Variants in CPE observed in about 807,000 individuals in gnomAD.
CPE encodes the protein carboxypeptidase E, also known as carbocypeptidase E.
In CPE, 17 loss-of-function variants were observed where a neutral mutation model predicts 53.5. That is an observed-to-expected ratio of 0.32 (90% CI 0.22 to 0.48). The LOEUF (loss-of-function observed/expected upper bound fraction) is 0.48, where lower values mean the gene tolerates loss of function less well. Ranked by LOEUF, CPE falls within the 20% of genes least tolerant of loss-of-function variation. The pLI is 0.99. For missense variants in CPE, 524 were observed against 614.7 expected, an observed-to-expected ratio of 0.85 and a Z score of 1.56; for synonymous variants, 226 against 228.8, an observed-to-expected ratio of 0.99 and a Z score of 0.11.
At chr4:165,478,393 G>A (rs571163899) in intron 3 of CPE, among the ~76,000 whole-genome samples, 12 of 152,248 alleles carry the variant, frequency 7.9e-5, no homozygotes, top group East Asian at 5.8e-4. Flanking sequence ...TGTAGAATTT[G>A]CTTGCTTTTG....
At chr4:165,380,926 C>G (rs1344771919) in intron 1 of CPE, among the ~76,000 whole-genome samples, 1 of 152,066 alleles carries the variant, frequency 6.6e-6, no homozygotes, top group Non-Finnish European at 1.5e-5. Context: ...TATCTGAAGA[C>G]AGGGAAAAAT....
chr4:165,418,692 T>A (rs9308107), intron 1 of CPE, among the ~76,000 whole-genome samples: 44,979 of 152,042 alleles, frequency 0.3, 6,740 homozygotes, highest in Middle Eastern at 0.39. Context: ...TTGATGTAAG[T>A]AAGAATTCTC....
chr4:165,447,642 G>A (rs1473077461), intron 1 of CPE, among the ~76,000 whole-genome samples: 1 of 151,726 alleles, frequency 6.6e-6, no homozygotes, highest in East Asian at 1.9e-4. Flanking sequence ...ATTAACCTTA[G>A]CTTACAGTAA....
intron 1 of CPE, among the ~76,000 whole-genome samples, chr4:165,392,766 A>G (rs1354980830): frequency 8.8e-5 from 13 of 148,410 alleles, no homozygotes; most frequent in African/African-American, 2.7e-4. Flanking sequence ...TCAAAGGACA[A>G]CACCCCAAAA....
At position 165,379,125 on chromosome 4, in the gene CPE, C is replaced by A; in HGVS notation, c.-97C>A. 1 of 1,087,012 alleles carries A rather than the reference C, an allele frequency of 9.2e-7. No homozygotes were observed. The highest frequency in any genetic ancestry group is 1.2e-6 in the Non-Finnish European group (1 of 866,880). 67.3% of individuals were successfully genotyped at this position (1,087,012 alleles called of 1,614,324 possible). A position where few individuals can be genotyped will look rare whatever the true frequency, so the allele number is the denominator to read the frequency against. ...CGAGTAGAGGCTGGTGCGGAACTTG[C>A]CGCCCCCAGCAGCGCCGGCGGGCTA... On this transcript the variant is annotated 5_prime_UTR_variant, in exon 1 of 9. Transcript: ENST00000402744. The surrounding 1 kb of genome is among the most constrained non-coding windows in gnomAD (Gnocchi z 6.0).
chr4:165,389,991 G>A (rs1347001739), intron 1 of CPE, among the ~76,000 whole-genome samples: 1 of 152,150 alleles, frequency 6.6e-6, no homozygotes, highest in Non-Finnish European at 1.5e-5. Context: ...AAAGTGGTGA[G>A]TGAGTGAACA....
At chr4:165,386,212 T>C in intron 1 of CPE, 1 of 515,818 alleles carries the variant, frequency 1.9e-6, no homozygotes, top group East Asian at 5.6e-5. Flanking sequence ...TATTATTACC[T>C]CATTATGGTA....
chr4:165,414,177 A>G (rs1054684250), intron 1 of CPE, among the ~76,000 whole-genome samples: 2 of 152,192 alleles, frequency 1.3e-5, no homozygotes, highest in South Asian at 4.1e-4. Context: ...TGTTTCATAA[A>G]TTATTTAAAT....
intron 6 of CPE, among the ~76,000 whole-genome samples, chr4:165,489,992 T>C (rs1169970468): frequency 6.6e-6 from 1 of 152,298 alleles, no homozygotes; most frequent in Admixed American, 6.5e-5. Context: ...GCTTGCATCA[T>C]AGAACACTCC....
intron 1 of CPE, chr4:165,406,329 A>G (rs145457250): frequency 7.3e-6 from 4 of 550,062 alleles, no homozygotes; most frequent in African/African-American, 1.9e-5. Context: ...GAGGCTGCCA[A>G]TCGCCCGGTA....
chr4:165,452,650 G>A (rs1731832177), intron 1 of CPE, among the ~76,000 whole-genome samples: 1 of 152,042 alleles, frequency 6.6e-6, no homozygotes, highest in Non-Finnish European at 1.5e-5. Flanking sequence ...TTTCAAAAAA[G>A]GCCATAACCC....
Position 165,461,166 on chromosome 4 carries a change from C to CAAAAAAAAAAAAAAAAAAAAAAAAAAA in CPE, c.308-3203_308-3202insAAAAAAAAAAAAAAAAAAAAAAAAAAA, listed in dbSNP as rs1173022270. 5.0e-4 allele frequency among the ~76,000 whole-genome samples: 22 copies of CAAAAAAAAAAAAAAAAAAAAAAAAAAA among 44,202 alleles called. 1 individual carries two copies. The highest frequency in any genetic ancestry group is 1.1e-3 in the South Asian group (1 of 872). 29.0% of individuals were successfully genotyped at this position (44,202 alleles called of 152,430 possible). On this transcript the variant is annotated intron_variant, in intron 1 of 8. Coordinates refer to ENST00000402744, the MANE Select transcript of CPE (RefSeq NM_001873.4). ...TGGGTGACAGAGTGAGCCTCTGCCT[C>CAAAAAAAAAAAAAAAAAAAAAAAAAAA]AAAAAAAAAAAAAAAAAAAAAGAAA... is the stretch of plus-strand genomic sequence containing the variant.
At chr4:165,457,295 T>C (rs762532687) in intron 1 of CPE, among the ~76,000 whole-genome samples, 2 of 152,174 alleles carry the variant, frequency 1.3e-5, no homozygotes, top group Non-Finnish European at 2.9e-5. Context: ...ACCATGGAAA[T>C]AGTCAATGCT....
chr4:165,490,792 T>G (rs754294363), intron 6 of CPE, among the ~76,000 whole-genome samples: 14 of 152,164 alleles, frequency 9.2e-5, no homozygotes, highest in South Asian at 2.1e-4. Context: ...TGCGTGACAC[T>G]AAGTACATGA....
intron 1 of CPE, among the ~76,000 whole-genome samples, chr4:165,414,138 G>C (rs1731085259): frequency 1.3e-5 from 2 of 152,026 alleles, no homozygotes; most frequent in Admixed American, 1.3e-4. Flanking sequence ...AACTTTTAAG[G>C]CTATGTAATT....
chr4:165,479,672 G>T (rs970643696), intron 3 of CPE, among the ~76,000 whole-genome samples: 8 of 152,188 alleles, frequency 5.3e-5, no homozygotes, highest in Admixed American at 2.6e-4. Flanking sequence ...TTTATAGTGT[G>T]TAGGTCAGAG....
chr4:165,406,298 C>T, intron 1 of CPE: 1 of 582,166 alleles, frequency 1.7e-6, no homozygotes, highest in Non-Finnish European at 3.3e-6. Flanking sequence ...AGCGGAGGAT[C>T]CTGAAGGCAG....
chr4:165,470,308 G>A (rs1443165613), intron 3 of CPE, among the ~76,000 whole-genome samples: 1 of 152,120 alleles, frequency 6.6e-6, no homozygotes, highest in African/African-American at 2.4e-5. Flanking sequence ...CTTTTCCCCT[G>A]ATTCTTCCCT....
intron 1 of CPE, among the ~76,000 whole-genome samples, chr4:165,439,130 A>G (rs2126683919): frequency 6.6e-6 from 1 of 152,348 alleles, no homozygotes; most frequent in East Asian, 1.9e-4. Context: ...TGCCTTGTTC[A>G]TTGAAGATGC....
Sources: gnomAD v4.1 joint callset for allele counts (sites outside exome capture counted in the v4.1 genomes callset) on GRCh38, gnomAD v4.1.1 for gene constraint, Gnocchi (gnomAD v3.1) non-coding constraint, MANE v1.5 for transcripts, NCBI Gene and HGNC (gene_info 2026-07-23, HGNC 2026-07-21) for gene names.